Variants in B3GLCT observed in about 807,000 individuals in gnomAD.
B3GLCT encodes beta 3-glucosyltransferase.
In B3GLCT, 65 loss-of-function variants were observed where a neutral mutation model predicts 63.4. The ratio of observed to expected loss-of-function variants is 1.03; its 90% CI spans 0.84 to 1.26. The LOEUF is 1.26. Among genes scored for constraint, B3GLCT ranks in the 50% most tolerant of loss-of-function variants. The pLI, the probability that B3GLCT is intolerant of heterozygous loss-of-function variation, is 0.00. For synonymous variants in B3GLCT, 233 were observed against 219.2 expected (o/e 1.06, Z -0.55); for missense variants, 577 against 604.8 (o/e 0.95, Z 0.48).
chr13:31,208,096 T>C (rs1039419012), intron 1 of B3GLCT, among the ~76,000 whole-genome samples: 2 of 151,834 alleles, frequency 1.3e-5, no homozygotes, highest in East Asian at 3.9e-4. Context: ...CTTTGTACTT[T>C]GTACTCTGTA....
chr13:31,311,436 A>G (rs1339385553), intron 12 of B3GLCT: 1 of 152,268 alleles, frequency 6.6e-6, no homozygotes, highest in Non-Finnish European at 1.5e-5. Context: ...GATCTGTCAC[A>G]CATCAATAAG....
intron 2 of B3GLCT, among the ~76,000 whole-genome samples, chr13:31,218,810 C>T (rs1225830368): frequency 6.6e-6 from 1 of 152,046 alleles, no homozygotes; most frequent in African/African-American, 2.4e-5. Flanking sequence ...TTACCCATTC[C>T]GTATGATGTT....
At chr13:31,249,755 T>C (rs534263275) in intron 6 of B3GLCT, among the ~76,000 whole-genome samples, 1 of 152,356 alleles carries the variant, frequency 6.6e-6, no homozygotes, top group African/African-American at 2.4e-5. Context: ...TTATTTCTTT[T>C]GAGACTAACA....
At chr13:31,285,963 A>C (rs1873310732) in intron 11 of B3GLCT, among the ~76,000 whole-genome samples, 1 of 152,198 alleles carries the variant, frequency 6.6e-6, no homozygotes, top group Non-Finnish European at 1.5e-5. Context: ...AAATACACAG[A>C]GATCAAGAGT....
intron 4 of B3GLCT, among the ~76,000 whole-genome samples, chr13:31,240,198 C>T (rs1001899557): frequency 3.9e-5 from 6 of 152,068 alleles, no homozygotes; most frequent in African/African-American, 1.2e-4. Context: ...CAGAGGTCGG[C>T]GGGTCAGAGG....
chr13:31,205,158 A>G (rs1466383426), intron 1 of B3GLCT, among the ~76,000 whole-genome samples: 1 of 151,642 alleles, frequency 6.6e-6, no homozygotes, highest in East Asian at 1.9e-4. Context: ...GAGCAGTTAG[A>G]TATTTGGGTC....
rs749084947 is a variant in B3GLCT, at chr13:31,286,824, G to C, written c.1064+5G>C. 19 of 1,586,098 alleles carry C rather than the reference G, an allele frequency of 1.2e-5. No individual in the cohort carries two copies. The highest frequency in any genetic ancestry group is 1.6e-5 in the Non-Finnish European group (19 of 1,156,482). Reference sequence around the variant, plus strand: ...GGATGATGATACATTAATAAGGTAAGGAGTCATTCTCATCCTAAATGGCTT... The same window carrying C: ...GGATGATGATACATTAATAAGGTAACGAGTCATTCTCATCCTAAATGGCTT... On this transcript the variant is annotated splice_donor_5th_base_variant and intron_variant, in intron 12 of 14. Transcript: ENST00000343307.
intron 3 of B3GLCT, among the ~76,000 whole-genome samples, chr13:31,227,173 G>A (rs1352415364): frequency 6.6e-6 from 1 of 152,038 alleles, no homozygotes; most frequent in Non-Finnish European, 1.5e-5. Context: ...TATCTTGTTA[G>A]TGGATATTTT....
At chr13:31,261,873 TC>T (rs957972741) in intron 7 of B3GLCT, among the ~76,000 whole-genome samples, 4 of 152,230 alleles carry the variant, frequency 2.6e-5, no homozygotes, top group African/African-American at 7.2e-5. Flanking sequence ...TCTTGACTAC[TC>T]CTTTCACATT....
At chr13:31,246,974 T>TTTTTTTTTTTG in intron 4 of B3GLCT, 49 bp from the exon 5 acceptor site, 1 of 1,230,214 alleles carries the variant, frequency 8.1e-7, no homozygotes, top group Non-Finnish European at 1.2e-6. Flanking sequence ...TTTACTTTTT[T>TTTTTTTTTTTG]TCGGAGTAGT....
At chr13:31,200,790 C>T (rs1361168072) in intron 1 of B3GLCT, among the ~76,000 whole-genome samples, 3 of 152,188 alleles carry the variant, frequency 2.0e-5, no homozygotes, top group African/African-American at 7.2e-5. Context: ...CGGATTCCGA[C>T]CCGGAGGAGG....
chr13:31,246,972 T>TTTTTTTTTTG, intron 4 of B3GLCT, 51 bp from the exon 5 acceptor site: 2 of 1,231,112 alleles, frequency 1.6e-6, no homozygotes, highest in East Asian at 2.3e-5. Context: ...TTTTTACTTT[T>TTTTTTTTTTG]TTTCGGAGTA....
rs145453977 is a variant in B3GLCT at position 31,290,140 on chromosome 13, A to T, written c.1064+3321A>T. Among the ~76,000 whole-genome samples the T allele has an allele frequency of 1.4e-3, 220 of 152,182 alleles. 1 individual carries two copies. Among genetic ancestry groups the T allele is most frequent in the African/African-American group, 5.2e-3 (214 of 41,520 alleles). The stretch of plus-strand genomic sequence containing the variant: ...GCGTTTGGTTTTCTGTTCCTGTATT[A>T]GTTTGCTGAGAATGATGGTTTCCAG... On this transcript the variant is annotated intron_variant, in intron 12 of 14. Transcript: ENST00000343307.
chr13:31,234,752 CT>C (rs1039666854), intron 4 of B3GLCT, among the ~76,000 whole-genome samples: 3 of 152,114 alleles, frequency 2.0e-5, no homozygotes, highest in African/African-American at 7.2e-5. Context: ...AGGTGTATCT[CT>C]TTGGTATACA....
At chr13:31,215,871 C>T (rs1472398704) in intron 2 of B3GLCT, among the ~76,000 whole-genome samples, 1 of 152,130 alleles carries the variant, frequency 6.6e-6, no homozygotes, top group Non-Finnish European at 1.5e-5. Context: ...CCAAAGGTGA[C>T]TATGCTACCA....
intron 10 of B3GLCT, among the ~76,000 whole-genome samples, chr13:31,283,923 T>G (rs781510052): frequency 6.6e-6 from 1 of 152,238 alleles, no homozygotes; most frequent in Non-Finnish European, 1.5e-5. Flanking sequence ...GTAATTTGTT[T>G]TTTAAGTATA....
In B3GLCT at chr13:31,256,452, A is replaced by G. The variant is rs570548712; in HGVS notation, c.460-4494A>G. 4.2e-4 allele frequency among the ~76,000 whole-genome samples: 64 copies of G among 152,322 alleles called. 2 individuals are homozygous for G. In the South Asian group the frequency reaches 0.011, roughly 27 times the overall value. ...TACCCAAAGGATTATAAATCATTCT[A>G]CTATAAAGATACATGCACACATATG... On this transcript the variant is annotated intron_variant, in intron 6 of 14. Coordinates refer to ENST00000343307, the MANE Select transcript of B3GLCT (RefSeq NM_194318.4).
intron 4 of B3GLCT, 51 bp from the exon 5 acceptor site, chr13:31,246,972 T>TTTTTTTTTTTG: frequency 8.1e-7 from 1 of 1,231,112 alleles, no homozygotes; most frequent in East Asian, 2.3e-5. Flanking sequence ...TTTTTACTTT[T>TTTTTTTTTTTG]TTTCGGAGTA....
chr13:31,216,816 G>A (rs1195347540), intron 2 of B3GLCT, among the ~76,000 whole-genome samples: 1 of 152,200 alleles, frequency 6.6e-6, no homozygotes, highest in Non-Finnish European at 1.5e-5. Flanking sequence ...ATTCCATGGT[G>A]TATCCATACC....
Sources: allele counts gnomAD v4.1 joint callset (sites outside exome capture counted in the v4.1 genomes callset), GRCh38; gene constraint gnomAD v4.1.1; transcripts MANE v1.5; gene names NCBI Gene and HGNC (gene_info 2026-07-23, HGNC 2026-07-21).